The following ARHGAP15 variants were observed in gnomAD, a reference collection of about 807,000 sequenced individuals.
The protein encoded by ARHGAP15 is Rho GTPase activating protein 15.
Under a neutral mutation model 63.7 loss-of-function variants are expected in ARHGAP15, and 51 were observed. The ratio of observed to expected loss-of-function variants is 0.80; its 90% CI spans 0.64 to 1.01. The LOEUF is 1.01. Ranked by LOEUF, ARHGAP15 falls within the 50% of genes least tolerant of loss-of-function variation. The pLI, the probability that ARHGAP15 is intolerant of heterozygous loss-of-function variation, is 0.00. For synonymous variants in ARHGAP15, 191 were observed against 193.8 expected (o/e 0.99, Z 0.12); for missense variants, 560 against 564.6 (o/e 0.99, Z 0.08).
At chr2:143,412,332 G>T (rs182329049) in intron 6 of ARHGAP15, among the ~76,000 whole-genome samples, 42 of 150,072 alleles carry the variant, frequency 2.8e-4, no homozygotes, top group Non-Finnish European at 5.6e-4. Flanking sequence ...GAAAATATCT[G>T]GTTGGACTTT....
At chr2:143,509,230 A>G (rs1404003827) in intron 9 of ARHGAP15, among the ~76,000 whole-genome samples, 2 of 152,132 alleles carry the variant, frequency 1.3e-5, no homozygotes, top group Non-Finnish European at 2.9e-5. Flanking sequence ...GTGGGGGAAA[A>G]CTATTCACAG....
chr2:143,681,309 C>T (rs1242886372), intron 12 of ARHGAP15, among the ~76,000 whole-genome samples: 4 of 152,094 alleles, frequency 2.6e-5, no homozygotes. Context: ...GAAATAGAAT[C>T]CCTGGGCCTT....
intron 10 of ARHGAP15, chr2:143,533,330 C>T (rs905164570): frequency 6.6e-6 from 1 of 152,156 alleles, no homozygotes; most frequent in Non-Finnish European, 1.5e-5. Context: ...TTTAATTTCT[C>T]ACGGGGCAAA....
intron 2 of ARHGAP15, among the ~76,000 whole-genome samples, chr2:143,179,405 A>G (rs754154236): frequency 2.6e-5 from 4 of 152,240 alleles, no homozygotes; most frequent in Non-Finnish European, 5.9e-5. Context: ...GTCTAGACAT[A>G]GCTCAACTGT....
rs564961745 is a variant in ARHGAP15, at chr2:143,623,379, G to A, written c.1004-754G>A. On this transcript the variant is annotated intron_variant, in intron 11 of 13. Transcript: ENST00000295095. ...ATCTCCACTCACTCAAGCTTCCCAA[G>A]CAAATATTTCTGTTGTTTCTAAAAA... is the stretch of plus-strand genomic sequence containing the variant. Among the ~76,000 whole-genome samples, 3 of 152,190 alleles carry A rather than the reference G, an allele frequency of 2.0e-5. No homozygotes were observed. In the East Asian group the frequency reaches 5.8e-4, roughly 29 times the overall value.
intron 1 of ARHGAP15, among the ~76,000 whole-genome samples, chr2:143,135,129 C>G (rs1170348319): frequency 1.3e-5 from 2 of 152,118 alleles, no homozygotes; most frequent in Admixed American, 6.5e-5. Flanking sequence ...AGAGAGAGCA[C>G]TTTAATGAGC....
At chr2:143,433,727 C>T (rs1278853766) in intron 6 of ARHGAP15, among the ~76,000 whole-genome samples, 4 of 149,868 alleles carry the variant, frequency 2.7e-5, no homozygotes, top group Non-Finnish European at 4.4e-5. Context: ...GTTTGTTTCT[C>T]GTACTTCTTA....
intron 8 of ARHGAP15, among the ~76,000 whole-genome samples, chr2:143,463,536 A>AT (rs2105165804): frequency 1.1e-5 from 1 of 88,642 alleles, no homozygotes; most frequent in East Asian, 3.9e-4. Context: ...GCGAAACTCC[A>AT]TCTTGGGGGG....
At chr2:143,732,487 C>T (rs1376807393) in intron 13 of ARHGAP15, among the ~76,000 whole-genome samples, 1 of 152,062 alleles carries the variant, frequency 6.6e-6, no homozygotes, top group Admixed American at 6.5e-5. Flanking sequence ...GATTGATGCT[C>T]ATATTTACAA....
intron 11 of ARHGAP15, among the ~76,000 whole-genome samples, chr2:143,584,573 C>T (rs1426471625): frequency 2.6e-5 from 4 of 152,050 alleles, no homozygotes; most frequent in Admixed American, 2.6e-4. Flanking sequence ...TTGCAGTGAT[C>T]CAAGATCATG....
intron 13 of ARHGAP15, among the ~76,000 whole-genome samples, chr2:143,718,939 C>G (rs1292717244): frequency 1.3e-5 from 2 of 152,170 alleles, no homozygotes; most frequent in African/African-American, 4.8e-5. Context: ...ATTCTTAATC[C>G]CCATTTTCTG....
chr2:143,426,008 G>A (rs141418978), intron 6 of ARHGAP15, among the ~76,000 whole-genome samples: 11 of 152,190 alleles, frequency 7.2e-5, no homozygotes, highest in East Asian at 3.9e-4. Context: ...AATAGATACC[G>A]TTCTTTCTTG....
intron 6 of ARHGAP15, among the ~76,000 whole-genome samples, chr2:143,304,838 G>A (rs1469459475): frequency 6.6e-6 from 1 of 152,146 alleles, no homozygotes; most frequent in African/African-American, 2.4e-5. Context: ...AGATGCTGGA[G>A]AGGGTATGGA....
intron 7 of ARHGAP15, among the ~76,000 whole-genome samples, chr2:143,436,143 C>T (rs1689603201): frequency 6.6e-6 from 1 of 151,952 alleles, no homozygotes; most frequent in African/African-American, 2.4e-5. Flanking sequence ...CTAGATTGTT[C>T]TTCTTATGAA....
At chr2:143,388,615 T>C (rs1687401840) in intron 6 of ARHGAP15, among the ~76,000 whole-genome samples, 1 of 152,042 alleles carries the variant, frequency 6.6e-6, no homozygotes, top group Admixed American at 6.6e-5. Flanking sequence ...GTATAAACTA[T>C]ACATACATAC....
chr2:143,516,017 C>T (rs893002056), intron 9 of ARHGAP15, among the ~76,000 whole-genome samples: 2 of 152,130 alleles, frequency 1.3e-5, no homozygotes, highest in African/African-American at 4.8e-5. Context: ...CTTTCCTTAT[C>T]TTTGAGGATT....
At chr2:143,227,297 TA>T (rs1360083406) in intron 4 of ARHGAP15, among the ~76,000 whole-genome samples, 3 of 152,164 alleles carry the variant, frequency 2.0e-5, no homozygotes, top group Non-Finnish European at 4.4e-5. Context: ...TTGATTTAAC[TA>T]CTGTCATATC....
chr2:143,367,740 T>A (rs1327932564), intron 6 of ARHGAP15, among the ~76,000 whole-genome samples: 1 of 151,978 alleles, frequency 6.6e-6, no homozygotes, highest in Non-Finnish European at 1.5e-5. Flanking sequence ...CTTCATGTGT[T>A]ATTAGGAGGG....
chr2:143,439,029 A>G (rs1689740958), intron 8 of ARHGAP15, among the ~76,000 whole-genome samples: 1 of 152,210 alleles, frequency 6.6e-6, no homozygotes, highest in East Asian at 1.9e-4. Flanking sequence ...CTGCTGAAAA[A>G]AAAATCTTAG....
Sources: allele counts gnomAD v4.1 joint callset (sites outside exome capture counted in the v4.1 genomes callset), GRCh38; gene constraint gnomAD v4.1.1; transcripts MANE v1.5; gene names NCBI Gene and HGNC (gene_info 2026-07-23, HGNC 2026-07-21).